Variants in PCDHA2 observed in about 807,000 individuals in gnomAD.
The protein encoded by PCDHA2 is protocadherin alpha 2.
In PCDHA2, 58 loss-of-function variants were observed where a neutral mutation model predicts 66.0. The observed-to-expected ratio is 0.88, with a 90% CI of 0.71 to 1.09. The LOEUF is 1.09. Among genes scored for constraint, PCDHA2 ranks in the 50% least tolerant of loss-of-function variants. The pLI, the probability that PCDHA2 is intolerant of heterozygous loss-of-function variation, is 0.00. For missense variants in PCDHA2, 1,267 were observed against 1,242.3 expected, an observed-to-expected ratio of 1.02 and a Z score of -0.30; for synonymous variants, 634 against 554.0, an observed-to-expected ratio of 1.14 and a Z score of -2.03.
At chr5:140,807,803 C>T (rs1554124282) in intron 1 of PCDHA2, 1 of 1,614,124 alleles carries the variant, frequency 6.2e-7, no homozygotes, top group East Asian at 2.2e-5. Context: ...AGAAGAAGCT[C>T]CGGAGATTTT....
chr5:140,882,347 G>A (rs1554173687), intron 1 of PCDHA2: 3 of 1,614,198 alleles, frequency 1.9e-6, no homozygotes, highest in South Asian at 2.2e-5. Context: ...CTGGGAGACG[G>A]GTAGTGGCCA....
chr5:140,839,371 A>G (rs1475600989), intron 1 of PCDHA2, among the ~76,000 whole-genome samples: 2 of 67,948 alleles, frequency 2.9e-5, no homozygotes, highest in Admixed American at 1.8e-4. Context: ...AGCTGTATTC[A>G]TCAATTATTA....
At chr5:140,985,974 C>T (rs562510809) in intron 3 of PCDHA2, among the ~76,000 whole-genome samples, 3 of 152,198 alleles carry the variant, frequency 2.0e-5, no homozygotes, top group Admixed American at 1.3e-4. Context: ...CTCCTGACCT[C>T]GTGATCCGCC....
intron 1 of PCDHA2, chr5:140,806,877 T>C (rs142459590): frequency 0.01 from 4,278 of 408,060 alleles, 28 homozygotes; most frequent in Non-Finnish European, 0.013. Context: ...ACCACAGTAG[T>C]ACAAAATGTA....
At chr5:140,956,098 GA>G (rs2095256801) in intron 1 of PCDHA2, among the ~76,000 whole-genome samples, 1 of 152,160 alleles carries the variant, frequency 6.6e-6, no homozygotes, top group African/African-American at 2.4e-5. Context: ...TGCAAACAAA[GA>G]TAATTTGATT....
In PCDHA2 at chr5:140,797,092, C is replaced by T; in HGVS notation, c.2128C>T (p.Leu710=). The T allele has an allele frequency of 6.2e-7, 1 of 1,614,002 alleles. No homozygotes were observed. The highest frequency in any genetic ancestry group is 8.5e-7 in the Non-Finnish European group (1 of 1,179,976). ...CATCGCCATCTGCGCGGTATCCAGCCTGTTGGTGCTCACGGTGCTGCTGTA... is the reference window on the plus strand; with the variant it reads ...CATCGCCATCTGCGCGGTATCCAGCTTGTTGGTGCTCACGGTGCTGCTGTA... ...LIIAICAVSS[L]LVLTVLLYTA... is the part of the protein sequence containing the mutation. The change falls in exon 1 of 4, where the codon CTG becomes TTG. Residue 710 remains leucine, a synonymous_variant. Coordinates refer to ENST00000526136, the MANE Select transcript of PCDHA2 (RefSeq NM_018905.3).
In PCDHA2 at chr5:140,829,895, G is replaced by A. The variant is rs2150177199; in HGVS notation, c.2388+32543G>A. The A allele has an allele frequency of 2.8e-5, 45 of 1,613,856 alleles. No homozygotes were observed. The Admixed American group carries it at 6.2e-4, about 22-fold the overall frequency. On this transcript the variant is annotated intron_variant, in intron 1 of 3. Transcript: ENST00000526136. ...GGTGCGCGCAGTTGACGCCGACTCA[G>A]GCTACAACGCGTGGCTTTCGTATGA...
intron 1 of PCDHA2, chr5:140,969,137 T>A (rs1326685727): frequency 6.2e-7 from 1 of 1,614,036 alleles, no homozygotes. Flanking sequence ...CACCAAGACC[T>A]ACTGCTACAA....
rs1040745756 is a variant in PCDHA2 at position 140,822,281 on chromosome 5, A to G, written c.2388+24929A>G. 27 of 1,614,142 alleles carry G rather than the reference A, an allele frequency of 1.7e-5. No homozygotes were observed. The highest frequency in any genetic ancestry group is 4.5e-5 in the East Asian group (2 of 44,900). On this transcript the variant is annotated intron_variant, in intron 1 of 3. Coordinates refer to ENST00000526136, the MANE Select transcript of PCDHA2 (RefSeq NM_018905.3). ...ATTGGAGCAAATGCACAATTGAGAT[A>G]CAGGTTAAATCCAAACGAATATTTT...
At chr5:140,970,156 T>C (rs933887683) in intron 1 of PCDHA2, among the ~76,000 whole-genome samples, 6 of 152,188 alleles carry the variant, frequency 3.9e-5, no homozygotes, top group African/African-American at 1.4e-4. Context: ...CTCCCAATAG[T>C]CACCTTTCTT....
At chr5:141,002,682 G>A (rs536105955) in intron 3 of PCDHA2, among the ~76,000 whole-genome samples, 51 of 152,256 alleles carry the variant, frequency 3.3e-4, no homozygotes, top group African/African-American at 1.0e-3. Flanking sequence ...CCTATACGAC[G>A]TGCAGATTTG....
chr5:140,808,795 C>T (rs1554124792), intron 1 of PCDHA2: 3 of 1,612,472 alleles, frequency 1.9e-6, no homozygotes, highest in Non-Finnish European at 8.5e-7. Flanking sequence ...TTCAGGTGAC[C>T]GCTCGCGATG....
intron 1 of PCDHA2, chr5:140,829,034 T>G: frequency 6.2e-7 from 1 of 1,613,244 alleles, no homozygotes; most frequent in Non-Finnish European, 8.5e-7. Flanking sequence ...ACAAGAAAAC[T>G]TATACAAAAT....
At chr5:140,922,254 T>G (rs2080741873) in intron 1 of PCDHA2, among the ~76,000 whole-genome samples, 1 of 152,228 alleles carries the variant, frequency 6.6e-6, no homozygotes, top group East Asian at 1.9e-4. Context: ...GATAAGTTAC[T>G]AAGTGCCATG....
chr5:140,842,157 A>C, intron 1 of PCDHA2: 1 of 1,613,874 alleles, frequency 6.2e-7, no homozygotes, highest in Non-Finnish European at 8.5e-7. Flanking sequence ...GCAATTTCAT[A>C]TTCTTTTAAT....
At chr5:140,926,783 C>T (rs1230665699) in intron 1 of PCDHA2, 2 of 1,410,186 alleles carry the variant, frequency 1.4e-6, no homozygotes, top group Non-Finnish European at 1.8e-6. Flanking sequence ...CAGTGACGGC[C>T]GGCAGGAGCG....
chr5:140,887,654 G>A (rs2061529435), intron 1 of PCDHA2, among the ~76,000 whole-genome samples: 1 of 151,712 alleles, frequency 6.6e-6, no homozygotes, highest in South Asian at 2.1e-4. Context: ...TGATATTCTT[G>A]GATCTGTGGA....
At chr5:140,905,211 G>T (rs1554191947) in intron 1 of PCDHA2, among the ~76,000 whole-genome samples, 1 of 152,130 alleles carries the variant, frequency 6.6e-6, no homozygotes, top group South Asian at 2.1e-4. Context: ...GTTGATTTTT[G>T]TGTAAGGTGA....
At position 140,852,782 on chromosome 5, in the gene PCDHA2, A is replaced by T. The variant is rs2042471437; in HGVS notation, c.2388+55430A>T. ...GTATCTGATTATTTGATGTGAATAG[A>T]GGGATGCTACAGATGTCATTTGTCT... On this transcript the variant is annotated intron_variant, in intron 1 of 3. Transcript: ENST00000526136. 4 of 979,406 alleles carry T rather than the reference A, an allele frequency of 4.1e-6. No homozygotes were observed. In the South Asian group the frequency reaches 1.9e-4, roughly 47 times the overall value. 60.7% of individuals were successfully genotyped at this position (979,406 alleles called of 1,614,324 possible). A position where few individuals can be genotyped will look rare whatever the true frequency, so the allele number is the denominator to read the frequency against.
Sources: allele counts gnomAD v4.1 joint callset (sites outside exome capture counted in the v4.1 genomes callset), GRCh38; gene constraint gnomAD v4.1.1; transcripts MANE v1.5; gene names NCBI Gene and HGNC (gene_info 2026-07-23, HGNC 2026-07-21).